The following CLK1 variants were observed in gnomAD, a reference collection of about 807,000 sequenced individuals.
CLK1 encodes dual specificity protein kinase CLK1.
A neutral mutation model predicts 60.9 loss-of-function variants in CLK1; 40 were observed. The ratio of observed to expected loss-of-function variants is 0.66; its 90% confidence interval spans 0.51 to 0.86. The LOEUF is 0.86. CLK1 is among the 40% of genes least tolerant of loss of function. The probability of loss-of-function intolerance (pLI) is 0.00; values close to 1 mark genes in which losing one functional copy is unlikely to be tolerated. For synonymous variants in CLK1, 203 were observed against 184.4 expected (o/e 1.10, Z -0.82); for missense variants, 563 against 606.1 (o/e 0.93, Z 0.75).
chr2:200,859,027 C>T (rs2039091603), intron 5 of CLK1, among the ~76,000 whole-genome samples: 1 of 151,878 alleles, frequency 6.6e-6, no homozygotes, highest in African/African-American at 2.4e-5. Context: ...AATACTAATA[C>T]AAACAATAGC....
At chr2:200,859,418 A>C (rs2039098770) in intron 5 of CLK1, among the ~76,000 whole-genome samples, 1 of 152,206 alleles carries the variant, frequency 6.6e-6, no homozygotes, top group African/African-American at 2.4e-5. Context: ...GCCTAACAAC[A>C]GTGTCCAGTT....
intron 7 of CLK1, 150 bp downstream of exon 7, chr2:200,857,568 G>A: frequency 6.5e-6 from 4 of 611,780 alleles, no homozygotes; most frequent in Non-Finnish European, 1.1e-5. Context: ...TACACTGCTG[G>A]ATCAACAGCC....
rs1043388056 is a variant in CLK1 at position 200,860,691 on chromosome 2, A to G, written c.391-476T>C. The G allele has an allele frequency of 3.6e-5, 36 of 996,126 alleles. No homozygotes were observed. In the African/African-American group the frequency reaches 5.9e-4, roughly 16 times the overall value. The allele number at this position is 996,126 out of a possible 1,614,324, so 61.7% of individuals were successfully genotyped here. A position where few individuals can be genotyped will look rare whatever the true frequency, so the allele number is the denominator to read the frequency against. ...TAAAATTAAAGTGCTAATTTTGGGGAAAAAAAGATTTGGCATACAAGAATA... is the reference window on the plus strand; with the variant it reads ...TAAAATTAAAGTGCTAATTTTGGGGGAAAAAAGATTTGGCATACAAGAATA... On this transcript the variant is annotated intron_variant, in intron 3 of 12. Coordinates refer to ENST00000321356, the MANE Select transcript of CLK1 (RefSeq NM_004071.4).
chr2:200,860,607 G>A (rs989901344), intron 3 of CLK1: 1 of 997,104 alleles, frequency 1.0e-6, no homozygotes, highest in Non-Finnish European at 1.2e-6. Context: ...GTCAAAGTAG[G>A]CGGTGGCCAA....
At chr2:200,861,606 C>CA in intron 2 of CLK1, 96 bp downstream of exon 2, 1 of 1,559,238 alleles carries the variant, frequency 6.4e-7, no homozygotes, top group South Asian at 1.2e-5. Flanking sequence ...TCATTGGAAA[C>CA]AAACGAATGG....
In CLK1 at chr2:200,864,362, G is replaced by A. The variant is rs562235282; in HGVS notation, c.-1+202C>T. 120 of 1,207,174 alleles carry A rather than the reference G, an allele frequency of 9.9e-5. 1 individual carries two copies. In the East Asian group the frequency reaches 3.2e-3, roughly 32 times the overall value. 74.8% of individuals were successfully genotyped at this position (1,207,174 alleles called of 1,614,324 possible). On this transcript the variant is annotated intron_variant, in intron 1 of 12. Coordinates refer to ENST00000321356, the MANE Select transcript of CLK1 (RefSeq NM_004071.4). ...AGCAAACACCGTAACTACCCCCGCA[G>A]GCCGGATCCGGCGGCGACAGGCTCG...
chr2:200,854,918 AT>A, intron 10 of CLK1, 85 bp downstream of exon 10: 1 of 997,922 alleles, frequency 1.0e-6, no homozygotes, highest in Non-Finnish European at 1.5e-6. Flanking sequence ...TTAATAGTCT[AT>A]AATGGGGGAA....
intron 10 of CLK1, 47 bp downstream of exon 10, chr2:200,854,957 C>T: frequency 7.1e-7 from 1 of 1,406,402 alleles, no homozygotes; most frequent in Non-Finnish European, 9.9e-7. Flanking sequence ...TATAAACAGG[C>T]ACCTTTCTTG....
intron 1 of CLK1, among the ~76,000 whole-genome samples, chr2:200,863,514 G>T (rs1466737224): frequency 6.6e-6 from 1 of 151,958 alleles, no homozygotes; most frequent in African/African-American, 2.4e-5. Flanking sequence ...CCGTCATTGC[G>T]CCACTTGCAC....
chr2:200,860,918 A>C, intron 3 of CLK1: 1 of 1,117,178 alleles, frequency 9.0e-7, no homozygotes, highest in South Asian at 2.8e-5. Flanking sequence ...ATCAAAACTA[A>C]TCAGGTTTCT....
chr2:200,854,068 A>G lies in CLK1; in HGVS notation c.1221-75T>C, dbSNP rs903056644. 1.8e-5 allele frequency: 17 copies of G among 924,132 alleles called. 1 individual carries two copies. In the Admixed American group the frequency reaches 2.2e-4, roughly 12 times the overall value. The allele number at this position is 924,132 out of a possible 1,614,324, so 57.2% of individuals were successfully genotyped here. A position where few individuals can be genotyped will look rare whatever the true frequency, so the allele number is the denominator to read the frequency against. On this transcript the variant is annotated intron_variant, in intron 11 of 12. Transcript: ENST00000321356. ...ACAGCTAGCAAAGGTATCAATTACT[A>G]TGCTTTCCCAGATCACTTTTCTAGA... is the stretch of plus-strand genomic sequence containing the variant.
At chr2:200,854,748 A>C (rs2039011691) in intron 10 of CLK1, 53 bp from the exon 11 acceptor site, 4 of 1,299,146 alleles carry the variant, frequency 3.1e-6, no homozygotes, top group Admixed American at 1.8e-5. Context: ...AAACAGACAC[A>C]GTTAAAGCTG....
chr2:200,862,125 G>A (rs1290701118), intron 1 of CLK1, among the ~76,000 whole-genome samples: 3 of 147,890 alleles, frequency 2.0e-5, no homozygotes, highest in African/African-American at 7.4e-5. Context: ...AGTGAAAAAA[G>A]TAGAGGGAGG....
intron 3 of CLK1, chr2:200,860,687 G>A: frequency 1.0e-6 from 1 of 996,186 alleles, no homozygotes; most frequent in Non-Finnish European, 1.2e-6. Context: ...TGCTAATTTT[G>A]GGGAAAAAAA....
chr2:200,859,399 A>G (rs1369315114), intron 5 of CLK1, among the ~76,000 whole-genome samples: 1 of 152,178 alleles, frequency 6.6e-6, no homozygotes, highest in Non-Finnish European at 1.5e-5. Flanking sequence ...GGTGGGGGAA[A>G]AAAATATGGC....
At chr2:200,858,552 C>T (rs1293479108) in intron 5 of CLK1, among the ~76,000 whole-genome samples, 1 of 151,760 alleles carries the variant, frequency 6.6e-6, no homozygotes, top group East Asian at 2.0e-4. Context: ...TGAAAATTAG[C>T]CAGGCACGGT....
At chr2:200,860,425 C>T in intron 3 of CLK1, 1 of 1,274,820 alleles carries the variant, frequency 7.8e-7, no homozygotes, top group Non-Finnish European at 9.9e-7. Context: ...AAAAACATGG[C>T]AAGGAACAGA....
At chr2:200,858,152 T>G (rs576107146) in intron 5 of CLK1, 63 bp from the exon 6 acceptor site, 2 of 1,076,732 alleles carry the variant, frequency 1.9e-6, no homozygotes, top group Non-Finnish European at 2.9e-6. Flanking sequence ...CAGGTATTAC[T>G]GTCTTCAAAC....
chr2:200,859,589 A>C (rs528564561), intron 5 of CLK1, 91 bp downstream of exon 5: 2 of 956,666 alleles, frequency 2.1e-6, no homozygotes, highest in African/African-American at 3.3e-5. Context: ...AAAGATATGT[A>C]TCTAACTCAT....
Sources: gnomAD v4.1 joint callset for allele counts (sites outside exome capture counted in the v4.1 genomes callset) on GRCh38, gnomAD v4.1.1 for gene constraint, MANE v1.5 for transcripts, NCBI Gene and HGNC (gene_info 2026-07-23, HGNC 2026-07-21) for gene names.